The following POLR3B variants were observed in gnomAD, a reference collection of about 807,000 sequenced individuals.
POLR3B encodes the protein RNA polymerase III subunit B.
In POLR3B, 96 loss-of-function variants were observed where a neutral mutation model predicts 147.4. That is an observed-to-expected ratio of 0.65 (90% CI 0.55 to 0.77). The LOEUF (loss-of-function observed/expected upper bound fraction) is 0.77. Ranked by LOEUF, POLR3B falls within the 30% of genes least tolerant of loss-of-function variation. The probability of loss-of-function intolerance (pLI) is 0.00; values close to 1 mark genes in which losing one functional copy is unlikely to be tolerated. For missense variants in POLR3B, 1,036 were observed against 1,413.5 expected, an observed-to-expected ratio of 0.73 and a Z score of 4.28; for synonymous variants, 461 against 485.9, an observed-to-expected ratio of 0.95 and a Z score of 0.67.
At chr12:106,427,107 T>C in intron 12 of POLR3B, 90 bp from the exon 13 acceptor site, 2 of 888,140 alleles carry the variant, frequency 2.3e-6, no homozygotes, top group Non-Finnish European at 3.5e-6. Context: ...CTCCATCTTA[T>C]TTTTTAAAAA....
intron 25 of POLR3B, chr12:106,499,957 T>C (rs1171461199): frequency 8.3e-6 from 3 of 360,946 alleles, no homozygotes; most frequent in African/African-American, 2.1e-5. Flanking sequence ...TTTCCTTTAC[T>C]TTTTCTACTT....
intron 12 of POLR3B, among the ~76,000 whole-genome samples, chr12:106,413,806 G>T (rs1165191390): frequency 6.6e-6 from 1 of 151,516 alleles, no homozygotes. Context: ...TTCCTTTACT[G>T]CATTCTGTGC....
At chr12:106,416,387 G>A (rs557007865) in intron 12 of POLR3B, among the ~76,000 whole-genome samples, 17 of 152,252 alleles carry the variant, frequency 1.1e-4, no homozygotes, top group Admixed American at 5.9e-4. Flanking sequence ...TGAACACAGC[G>A]TCAGTACATT....
chr12:106,401,971 G>T (rs536420680), intron 10 of POLR3B, among the ~76,000 whole-genome samples: 6 of 152,182 alleles, frequency 3.9e-5, no homozygotes, highest in African/African-American at 1.4e-4. Flanking sequence ...GGGCAATCAG[G>T]CAGTTGAAGG....
At chr12:106,412,972 T>A (rs887204763) in intron 12 of POLR3B, among the ~76,000 whole-genome samples, 6 of 152,204 alleles carry the variant, frequency 3.9e-5, no homozygotes, top group African/African-American at 7.2e-5. Context: ...TTTGCCCATT[T>A]AAAAATTTTT....
At chr12:106,407,100 A>G (rs189810473) in intron 11 of POLR3B, among the ~76,000 whole-genome samples, 1 of 152,330 alleles carries the variant, frequency 6.6e-6, no homozygotes, top group Non-Finnish European at 1.5e-5. Context: ...CATGTCCTTG[A>G]TTTAATCCAA....
In POLR3B at chr12:106,458,406, G is replaced by A. The variant is rs575879953; in HGVS notation, c.2453-845G>A. On this transcript the variant is annotated intron_variant, in intron 21 of 27. Transcript: ENST00000228347. ...CCCAAAGTGCTTGAGCCACCATGCC[G>A]AGCCCATGATACTATTTTCATTATG... is the stretch of plus-strand genomic sequence containing the variant. 5.9e-5 allele frequency among the ~76,000 whole-genome samples: 9 copies of A among 152,152 alleles called. No individual in the cohort carries two copies. The East Asian group carries it at 7.7e-4, about 13-fold the overall frequency.
chr12:106,469,136 G>A (rs1038757497), intron 23 of POLR3B, among the ~76,000 whole-genome samples: 1 of 152,130 alleles, frequency 6.6e-6, no homozygotes, highest in Non-Finnish European at 1.5e-5. Context: ...TGTATTGGGT[G>A]CATACATATT....
chr12:106,447,000 G>A (rs1472572179), intron 19 of POLR3B, among the ~76,000 whole-genome samples: 1 of 152,132 alleles, frequency 6.6e-6, no homozygotes, highest in Non-Finnish European at 1.5e-5. Context: ...GACTTCTCTG[G>A]ATCGTTTTAA....
chr12:106,373,258 A>G (rs976629184), intron 6 of POLR3B, among the ~76,000 whole-genome samples: 5 of 152,080 alleles, frequency 3.3e-5, no homozygotes, highest in African/African-American at 4.8e-5. Context: ...GCTTTTTTGA[A>G]GCTATGATAT....
At chr12:106,397,119 T>C (rs1565883322) in intron 10 of POLR3B, among the ~76,000 whole-genome samples, 1 of 149,634 alleles carries the variant, frequency 6.7e-6, no homozygotes, top group Non-Finnish European at 1.5e-5. Flanking sequence ...AGTGAGACCC[T>C]GTCTCAAAAA....
chr12:106,420,115 A>T (rs897461917), intron 12 of POLR3B, among the ~76,000 whole-genome samples: 8 of 152,074 alleles, frequency 5.3e-5, no homozygotes, highest in Admixed American at 3.3e-4. Context: ...TAGACAAGAA[A>T]CTGTGTGACC....
At chr12:106,403,975 T>A (rs533648656) in intron 10 of POLR3B, among the ~76,000 whole-genome samples, 211 of 151,718 alleles carry the variant, frequency 1.4e-3, no homozygotes, top group East Asian at 3.5e-3. Flanking sequence ...AATAAAATTT[T>A]AAAAAAAAGA....
chr12:106,398,987 G>C (rs1410332143), intron 10 of POLR3B, among the ~76,000 whole-genome samples: 3 of 152,198 alleles, frequency 2.0e-5, no homozygotes, highest in Non-Finnish European at 4.4e-5. Context: ...AACGGAGAAT[G>C]ACTTTGACGA....
At chr12:106,509,361 C>T (rs1002023792) in intron 27 of POLR3B, 59 bp from the exon 28 acceptor site, 12 of 1,587,846 alleles carry the variant, frequency 7.6e-6, no homozygotes, top group South Asian at 1.1e-5. Flanking sequence ...TCACTTCCTA[C>T]GTGGAGGCCT....
chr12:106,381,971 T>C (rs1034182764), intron 9 of POLR3B: 1 of 152,242 alleles, frequency 6.6e-6, no homozygotes, highest in Non-Finnish European at 1.5e-5. Context: ...ATGGCACTTG[T>C]AAACTGTCAC....
chr12:106,507,498 C>A, intron 27 of POLR3B: 1 of 221,654 alleles, frequency 4.5e-6, no homozygotes, highest in South Asian at 5.9e-5. Context: ...ATGCATTTCC[C>A]CAATTTAATG....
At chr12:106,358,078 G>T in intron 1 of POLR3B, 127 bp downstream of exon 1, 3 of 1,533,974 alleles carry the variant, frequency 2.0e-6, no homozygotes, top group Non-Finnish European at 2.6e-6. Flanking sequence ...TTCTGCGCAT[G>T]CCCAGAGCGT....
chr12:106,364,126 A>G (rs1168249162), intron 2 of POLR3B, among the ~76,000 whole-genome samples: 2 of 152,366 alleles, frequency 1.3e-5, no homozygotes, highest in Admixed American at 6.5e-5. Context: ...GCACAGTAGC[A>G]TGGCACATGA....
Sources: gnomAD v4.1 joint callset for allele counts (sites outside exome capture counted in the v4.1 genomes callset) on GRCh38, gnomAD v4.1.1 for gene constraint, MANE v1.5 for transcripts, NCBI Gene and HGNC (gene_info 2026-07-23, HGNC 2026-07-21) for gene names.